Variants in PARG observed in about 807,000 individuals in gnomAD.
PARG encodes mitochondrial poly(ADP-ribose) glycohydrolase.
PARG carries 35 observed loss-of-function variants against 113.0 expected under a neutral mutation model. The observed-to-expected ratio is 0.31, with a 90% CI of 0.24 to 0.41. The LOEUF (loss-of-function observed/expected upper bound fraction) is 0.41. PARG is among the 10% of genes least tolerant of loss of function. The pLI, the probability that PARG is intolerant of heterozygous loss-of-function variation, is 1.00. For synonymous variants in PARG, 330 were observed against 409.9 expected, an observed-to-expected ratio of 0.81 and a Z score of 2.36; for missense variants, 797 against 1,169.4, an observed-to-expected ratio of 0.68 and a Z score of 4.64.
chr10:49,939,029 TAA>T (rs1339147019), intron 1 of PARG, among the ~76,000 whole-genome samples: 1 of 152,096 alleles, frequency 6.6e-6, no homozygotes, highest in Non-Finnish European at 1.5e-5. Context: ...GCAGAAATCT[TAA>T]TTAAGATCCA....
chr10:49,840,586 T>TA (rs1442373600), intron 15 of PARG, among the ~76,000 whole-genome samples: 1 of 152,146 alleles, frequency 6.6e-6, no homozygotes, highest in Non-Finnish European at 1.5e-5. Flanking sequence ...AGTTCAACTT[T>TA]AAAAAATAGT....
At chr10:49,896,594 T>C (rs1345991026) in intron 7 of PARG, among the ~76,000 whole-genome samples, 1 of 152,154 alleles carries the variant, frequency 6.6e-6, no homozygotes, top group African/African-American at 2.4e-5. Context: ...CTGCTAACAG[T>C]TTTTCACTCT....
chr10:49,877,823 GA>G (rs1381772888), intron 9 of PARG, among the ~76,000 whole-genome samples: 2 of 119,472 alleles, frequency 1.7e-5, no homozygotes, highest in African/African-American at 6.5e-5. Context: ...GTAGAAGAGG[GA>G]AGCAGAAAAT....
At chr10:49,915,527 C>G (rs1435588830) in intron 7 of PARG, among the ~76,000 whole-genome samples, 1 of 151,966 alleles carries the variant, frequency 6.6e-6, no homozygotes, top group Non-Finnish European at 1.5e-5. Flanking sequence ...TGGAAATCAC[C>G]TAAAGAAACA....
chr10:49,846,746 A>ATGTG (rs35901101), intron 13 of PARG, among the ~76,000 whole-genome samples: 202 of 149,306 alleles, frequency 1.4e-3, no homozygotes, highest in African/African-American at 4.3e-3. Context: ...ACAGTTGTAT[A>ATGTG]TGTGTGTGTG....
intron 7 of PARG, among the ~76,000 whole-genome samples, chr10:49,899,433 C>T (rs1401987566): frequency 6.6e-6 from 1 of 152,174 alleles, no homozygotes; most frequent in Admixed American, 6.6e-5. Flanking sequence ...CTCACTCATT[C>T]CCCTTAATTT....
At chr10:49,891,619 ATATATTTTTTTT>A (rs1369792478) in intron 7 of PARG, among the ~76,000 whole-genome samples, 2 of 45,962 alleles carry the variant, frequency 4.4e-5, no homozygotes, top group African/African-American at 2.0e-4. Flanking sequence ...ATATATATAT[ATATATTTTTTTT>A]TTTTTTTTTT....
chr10:49,909,104 T>C (rs533439868), intron 7 of PARG, among the ~76,000 whole-genome samples: 39 of 152,298 alleles, frequency 2.6e-4, no homozygotes, highest in African/African-American at 8.9e-4. Flanking sequence ...CTACTCATAA[T>C]AGCATGCCAC....
chr10:49,933,574 G>A lies in PARG; in HGVS notation c.874C>T (p.Pro292Ser), dbSNP rs1554910488. The change falls in exon 3 of 18, where the codon CCT (proline) becomes TCT (serine). Residue 292 changes from proline to serine, a missense_variant. Physicochemically the swap from Pro to Ser is moderately conservative, Grantham distance 74 (BLOSUM62 -1). Coordinates refer to ENST00000616448, the MANE Select transcript of PARG (RefSeq NM_003631.5). The part of the protein sequence containing the change: ...TRQESCLGNS[P>S]PFEKESEPES... ...GGTTCACTTTCCTTCTCAAATGGAG[G>A]AGAATTTCCTAGGCAACTTTCTTGT... The A allele has an allele frequency of 3.5e-3, 5,616 of 1,611,588 alleles. 109 individuals carry two copies. The African/African-American group carries it at 0.05, about 14-fold the overall frequency.
chr10:49,888,697 G>A (rs1381296998), intron 7 of PARG, among the ~76,000 whole-genome samples: 2 of 152,098 alleles, frequency 1.3e-5, no homozygotes, highest in East Asian at 3.9e-4. Context: ...GTCTTGGTAT[G>A]AATTTCTTTG....
rs937405283 is a variant in PARG at position 49,818,456 on chromosome 10, A to G, written c.*884T>C. 1 of 152,660 alleles carries G rather than the reference A, an allele frequency of 6.6e-6. No individual in the cohort carries two copies. The highest frequency in any genetic ancestry group is 2.4e-5 in the African/African-American group (1 of 41,464). 9.5% of individuals were successfully genotyped at this position (152,660 alleles called of 1,614,324 possible). A position where few individuals can be genotyped will look rare whatever the true frequency, so the allele number is the denominator to read the frequency against. On this transcript the variant is annotated 3_prime_UTR_variant, in exon 18 of 18. Transcript: ENST00000616448. Reference sequence around the variant, plus strand: ...ACCTTTGAATACCAGAGAAACTTCAATATGTACAAATCAGCATGAAGTTCC... The same window carrying G: ...ACCTTTGAATACCAGAGAAACTTCAGTATGTACAAATCAGCATGAAGTTCC...
intron 7 of PARG, among the ~76,000 whole-genome samples, chr10:49,905,640 G>A (rs2664470): frequency 1.1e-3 from 162 of 152,280 alleles, no homozygotes; most frequent in Non-Finnish European, 1.5e-3. Flanking sequence ...GATATAATAC[G>A]CAGTACATTC....
chr10:49,844,568 A>T (rs1845409519), intron 13 of PARG, among the ~76,000 whole-genome samples: 1 of 150,670 alleles, frequency 6.6e-6, no homozygotes, highest in South Asian at 2.1e-4. Context: ...GGTTGCAGTG[A>T]GCGGAGATTG....
intron 7 of PARG, among the ~76,000 whole-genome samples, chr10:49,886,033 T>C (rs1847460544): frequency 6.6e-6 from 1 of 152,214 alleles, no homozygotes; most frequent in Admixed American, 6.5e-5. Context: ...ATACTACATA[T>C]ACAGTCAGGA....
At chr10:49,897,422 C>T (rs1848141342) in intron 7 of PARG, among the ~76,000 whole-genome samples, 1 of 152,176 alleles carries the variant, frequency 6.6e-6, no homozygotes, top group Non-Finnish European at 1.5e-5. Flanking sequence ...CTGCCCCTTA[C>T]TCTATGACTC....
chr10:49,860,173 G>T (rs2132534748), intron 12 of PARG, among the ~76,000 whole-genome samples: 1 of 152,306 alleles, frequency 6.6e-6, no homozygotes, highest in African/African-American at 2.4e-5. Flanking sequence ...AGCCCTTACG[G>T]TATTCTCTAA....
At chr10:49,819,711 A>G (rs1843973872) in intron 17 of PARG, among the ~76,000 whole-genome samples, 1 of 152,180 alleles carries the variant, frequency 6.6e-6, no homozygotes, top group Non-Finnish European at 1.5e-5. Flanking sequence ...GCTCATGATA[A>G]CAACAGGCTA....
intron 15 of PARG, among the ~76,000 whole-genome samples, chr10:49,840,079 T>A (rs2132437946): frequency 6.6e-6 from 1 of 152,244 alleles, no homozygotes; most frequent in East Asian, 1.9e-4. Context: ...TTAAAATGTA[T>A]CCAATTACTA....
intron 1 of PARG, among the ~76,000 whole-genome samples, chr10:49,936,080 G>C (rs1158669134): frequency 6.6e-6 from 1 of 151,978 alleles, no homozygotes; most frequent in Non-Finnish European, 1.5e-5. Context: ...CAGTCCTTCT[G>C]AATCAGAATC....
Sources: gnomAD v4.1 joint callset for allele counts (sites outside exome capture counted in the v4.1 genomes callset) on GRCh38, gnomAD v4.1.1 for gene constraint, MANE v1.5 for transcripts, NCBI Gene and HGNC (gene_info 2026-07-23, HGNC 2026-07-21) for gene names.